Variants in ICA1L observed in about 807,000 individuals in gnomAD.
The protein encoded by ICA1L is islet cell autoantigen 1-like protein.
Under a neutral mutation model 61.3 loss-of-function variants are expected in ICA1L, and 50 were observed. The observed-to-expected ratio is 0.82, with a 90% CI of 0.65 to 1.03. The LOEUF (loss-of-function observed/expected upper bound fraction) is 1.03, where lower values mean the gene tolerates loss of function less well. Ranked by LOEUF, ICA1L falls within the 50% of genes least tolerant of loss-of-function variation. The pLI, the probability that ICA1L is intolerant of heterozygous loss-of-function variation, is 0.00. For synonymous variants in ICA1L, 161 were observed against 191.3 expected (o/e 0.84, Z 1.31); for missense variants, 508 against 556.7 (o/e 0.91, Z 0.88).
At chr2:202,840,974 C>T (rs1694313584) in intron 1 of ICA1L, 1 of 683,640 alleles carries the variant, frequency 1.5e-6, no homozygotes, top group Non-Finnish European at 2.8e-6. Context: ...GGTTGGCCAT[C>T]TCCTCATACT....
intron 12 of ICA1L, among the ~76,000 whole-genome samples, chr2:202,780,880 CTT>C (rs972055200): frequency 1.3e-5 from 2 of 152,144 alleles, no homozygotes; most frequent in African/African-American, 4.8e-5. Context: ...CTCAGGGTCT[CTT>C]GTCTCCTCAT....
chr2:202,826,182 A>C (rs1273191201), intron 2 of ICA1L, among the ~76,000 whole-genome samples: 1 of 152,198 alleles, frequency 6.6e-6, no homozygotes, highest in Non-Finnish European at 1.5e-5. Flanking sequence ...TGGTCTAAAC[A>C]AAACAGATTA....
chr2:202,776,418 C>G lies in ICA1L; in HGVS notation c.*3115G>C, dbSNP rs988506202. 4 of 152,138 alleles carry G rather than the reference C, an allele frequency of 2.6e-5. No homozygotes were observed. Among genetic ancestry groups the G allele is most frequent in the African/African-American group, 9.7e-5 (4 of 41,428 alleles). The allele number at this position is 152,138 out of a possible 1,614,324, so 9.4% of individuals were successfully genotyped here. A position where few individuals can be genotyped will look rare whatever the true frequency, so the allele number is the denominator to read the frequency against. ...ATCTATTTTGAGGGTTGTTCTCAGC[C>G]TACCATTGGTTAAGGATAATTAATT... is the stretch of plus-strand genomic sequence containing the variant. On this transcript the variant is annotated 3_prime_UTR_variant, in exon 13 of 13. Transcript: ENST00000358299.
chr2:202,795,698 G>GTA (rs1374151942), intron 10 of ICA1L, among the ~76,000 whole-genome samples: 1 of 152,070 alleles, frequency 6.6e-6, no homozygotes, highest in Non-Finnish European at 1.5e-5. Context: ...AAGAAATATA[G>GTA]TATATGACAA....
rs553974694 is a variant in ICA1L at position 202,776,296 on chromosome 2, CAA to C, written c.*3235_*3236del. Reference sequence around the variant, plus strand: ...AAAAAATGGTTGTAGACACACTAGGCAAAGTTTAGCTCGTCTGGTTTTTTTTA... The same window carrying C: ...AAAAAATGGTTGTAGACACACTAGGCAGTTTAGCTCGTCTGGTTTTTTTTA... On this transcript the variant is annotated 3_prime_UTR_variant, in exon 13 of 13. Transcript: ENST00000358299. The C allele has an allele frequency of 3.2e-3, 480 of 152,160 alleles. 5 individuals are homozygous for C. The highest frequency in any genetic ancestry group is 0.011 in the African/African-American group (463 of 41,466). 9.4% of individuals were successfully genotyped at this position (152,160 alleles called of 1,614,324 possible).
chr2:202,794,638 C>G (rs956659578), intron 10 of ICA1L, among the ~76,000 whole-genome samples: 1 of 151,982 alleles, frequency 6.6e-6, no homozygotes, highest in African/African-American at 2.4e-5. Flanking sequence ...TAAAAGAATT[C>G]AGCTATATAC....
chr2:202,773,804 G>T lies in ICA1L; in HGVS notation c.*5729C>A. On this transcript the variant is annotated 3_prime_UTR_variant, in exon 13 of 13. Transcript: ENST00000358299. ...CCGGTATGGTAATAGGCAAGAGCAG[G>T]CTGTAAAAGCAAAGGCTAGCTGTGC... 1 of 1,395,502 alleles carries T rather than the reference G, an allele frequency of 7.2e-7. No individual in the cohort carries two copies. The highest frequency in any genetic ancestry group is 1.0e-6 in the Non-Finnish European group (1 of 983,630). 86.4% of individuals were successfully genotyped at this position (1,395,502 alleles called of 1,614,324 possible).
At chr2:202,836,929 C>T (rs796835847) in intron 1 of ICA1L, among the ~76,000 whole-genome samples, 21 of 152,138 alleles carry the variant, frequency 1.4e-4, no homozygotes, top group South Asian at 1.2e-3. Flanking sequence ...GCAATCTCCA[C>T]CTCCCGGGTT....
Position 202,774,659 on chromosome 2 carries a change from T to C in ICA1L, c.*4874A>G, listed in dbSNP as rs749494005. On this transcript the variant is annotated 3_prime_UTR_variant, in exon 13 of 13. Transcript: ENST00000358299. ...GTGGGGAGCGGAGAGGCCTAAGACA[T>C]GGGCAGGAGCCTTTGGGTCAGGGAG... 5 of 215,102 alleles carry C rather than the reference T, an allele frequency of 2.3e-5. No individual in the cohort carries two copies. The highest frequency in any genetic ancestry group is 4.5e-5 in the Non-Finnish European group (5 of 110,096). The allele number at this position is 215,102 out of a possible 1,614,324, so 13.3% of individuals were successfully genotyped here.
intron 10 of ICA1L, 84 bp downstream of exon 10, chr2:202,796,806 T>C: frequency 1.3e-6 from 1 of 784,804 alleles, no homozygotes; most frequent in Non-Finnish European, 2.0e-6. Flanking sequence ...ACCCAGACAG[T>C]TTCTAATGTT....
chr2:202,780,380 A>T (rs965212995), intron 12 of ICA1L, among the ~76,000 whole-genome samples: 2 of 152,170 alleles, frequency 1.3e-5, no homozygotes, highest in African/African-American at 4.8e-5. Flanking sequence ...TGTTCATCAG[A>T]TCCCTCACAT....
In ICA1L at chr2:202,778,303, T is replaced by C. The variant is rs1028599625; in HGVS notation, c.*1230A>G. On this transcript the variant is annotated 3_prime_UTR_variant, in exon 13 of 13. Coordinates refer to ENST00000358299, the MANE Select transcript of ICA1L (RefSeq NM_001288622.3). ...TTAAAAGGACAGGAAATTGAGTGAT[T>C]GATGTGTGTGTACGGTAGCTACGTT... 1 of 152,170 alleles carries C rather than the reference T, an allele frequency of 6.6e-6. No individual in the cohort carries two copies. Among genetic ancestry groups the C allele is most frequent in the African/African-American group, 2.4e-5 (1 of 41,434 alleles). The allele number at this position is 152,170 out of a possible 1,614,324, so 9.4% of individuals were successfully genotyped here.
intron 1 of ICA1L, among the ~76,000 whole-genome samples, chr2:202,857,191 A>AGAACAAAGCTAGAGGTATCATGCTACCT (rs1694791316): frequency 1.3e-5 from 2 of 152,240 alleles, no homozygotes; most frequent in Non-Finnish European, 2.9e-5. Context: ...CTAAGCAAAA[A>AGAACAAAGCTAGAGGTATCATGCTACCT]GAACAAAGCT....
chr2:202,815,756 CA>C (rs1338167794), intron 7 of ICA1L, among the ~76,000 whole-genome samples, 154 bp downstream of exon 7: 4 of 151,088 alleles, frequency 2.6e-5, no homozygotes, highest in Non-Finnish European at 5.9e-5. Flanking sequence ...GCAACATTTG[CA>C]ATTAGGAAAG....
chr2:202,799,795 G>A (rs1693039256), intron 9 of ICA1L, among the ~76,000 whole-genome samples: 1 of 151,638 alleles, frequency 6.6e-6, no homozygotes, highest in Admixed American at 6.6e-5. Flanking sequence ...TTTGTATATG[G>A]TGAGAGATAG....
intron 1 of ICA1L, among the ~76,000 whole-genome samples, chr2:202,850,843 T>C (rs568361051): frequency 6.6e-6 from 1 of 152,190 alleles, no homozygotes; most frequent in South Asian, 2.1e-4. Context: ...AATTGTCAGA[T>C]TCTCCAAGGT....
chr2:202,832,149 A>T (rs1044162576), intron 1 of ICA1L, among the ~76,000 whole-genome samples: 1 of 152,226 alleles, frequency 6.6e-6, no homozygotes, highest in Admixed American at 6.5e-5. Context: ...AGTCAAGTTA[A>T]CTGGCTTCTA....
intron 1 of ICA1L, among the ~76,000 whole-genome samples, chr2:202,837,743 CT>C (rs893281332): frequency 2.4e-4 from 35 of 147,798 alleles, no homozygotes; most frequent in Admixed American, 2.7e-4. Context: ...TAGGGCTTTT[CT>C]TTTTTTTTTG....
At chr2:202,840,118 C>CAAA (rs71030994) in intron 1 of ICA1L, among the ~76,000 whole-genome samples, 1 of 87,192 alleles carries the variant, frequency 1.1e-5, no homozygotes, top group African/African-American at 4.3e-5. Flanking sequence ...TATTTTGGAC[C>CAAA]AAAAAAAAAA....
Sources: allele counts gnomAD v4.1 joint callset (sites outside exome capture counted in the v4.1 genomes callset), GRCh38; gene constraint gnomAD v4.1.1; transcripts MANE v1.5; gene names NCBI Gene and HGNC (gene_info 2026-07-23, HGNC 2026-07-21).